The following GMIP variants were observed in gnomAD, a reference collection of about 807,000 sequenced individuals.
GMIP encodes the protein GEM interacting protein, also known as GEM-interacting protein.
In GMIP, 54 loss-of-function variants were observed where a neutral mutation model predicts 105.3. The ratio of observed to expected loss-of-function variants is 0.51; its 90% CI spans 0.41 to 0.64. GMIP has a LOEUF of 0.64. Among genes scored for constraint, GMIP ranks in the 30% least tolerant of loss-of-function variants. The pLI, the probability that GMIP is intolerant of heterozygous loss-of-function variation, is 0.00. For missense variants in GMIP, 1,110 were observed against 1,319.4 expected, an observed-to-expected ratio of 0.84 and a Z score of 2.46; for synonymous variants, 541 against 560.8, an observed-to-expected ratio of 0.96 and a Z score of 0.50.
chr19:19,630,841 C>T lies in GMIP; in HGVS notation c.2473-304G>A, dbSNP rs75143984. 2.5e-4 allele frequency among the ~76,000 whole-genome samples: 38 copies of T among 152,260 alleles called. No homozygotes were observed. Among genetic ancestry groups the T allele is most frequent in the Non-Finnish European group, 4.4e-4 (30 of 68,024 alleles). Reference sequence around the variant, plus strand: ...CTCCTCCTATGCACAGGGCATGGACCACCACTGACTGTGCACCTGTCATCC... The same window carrying T: ...CTCCTCCTATGCACAGGGCATGGACTACCACTGACTGTGCACCTGTCATCC... On this transcript the variant is annotated intron_variant, in intron 19 of 20. Transcript: ENST00000203556. This position sits in a 1 kb window ranked among gnomAD's most constrained non-coding sequence, Gnocchi z 4.8.
chr19:19,635,616 ATC>A lies in GMIP; in HGVS notation c.1405+26_1405+27del. ...AGTGCCTGGTGCCCTGCCCTGTCCC[ATC>A]CTGACCTACCCTGCTTCAGCCTCAC... is the stretch of plus-strand genomic sequence containing the variant. On this transcript the variant is annotated intron_variant, in intron 14 of 20. Transcript: ENST00000203556. This position sits in a 1 kb window ranked among gnomAD's most constrained non-coding sequence, Gnocchi z 4.7. 4 of 1,613,868 alleles carry A rather than the reference ATC, an allele frequency of 2.5e-6. No homozygotes were observed. Among genetic ancestry groups the A allele is most frequent in the Non-Finnish European group, 3.4e-6 (4 of 1,179,790 alleles).
intron 4 of GMIP, among the ~76,000 whole-genome samples, chr19:19,641,062 C>T (rs980687306): frequency 3.3e-5 from 5 of 151,984 alleles, no homozygotes; most frequent in African/African-American, 7.3e-5. Context: ...CCACCGTGCC[C>T]GGCCTGTGTT....
rs1209566828 is a variant in GMIP at position 19,635,049 on chromosome 19, T to C, written c.1725A>G (p.Ile575Met). Residue 575 changes from isoleucine (I) to methionine (M), a missense_variant, in exon 16 of 21, where the codon ATA (isoleucine) becomes ATG (methionine). By Grantham distance (10) the Ile-to-Met change is conservative (BLOSUM62 1). Coordinates refer to ENST00000203556, the MANE Select transcript of GMIP (RefSeq NM_016573.4). The surrounding 1 kb of genome is among the most constrained non-coding windows in gnomAD (Gnocchi z 4.7). ...PFVVTKCTAE[I>M]EHRALDVQGI... ...CCTGCACATCCAGGGCACGGTGTTC[T>C]ATCTCAGCCGTGCACTTCGTGACCA... 2 of 1,613,874 alleles carry C rather than the reference T, an allele frequency of 1.2e-6. No homozygotes were observed. The highest frequency in any genetic ancestry group is 2.7e-5 in the African/African-American group (2 of 74,906).
At chr19:19,642,219 A>G (rs566342773) in intron 2 of GMIP, among the ~76,000 whole-genome samples, 168 bp from the exon 3 acceptor site, 205 of 152,118 alleles carry the variant, frequency 1.3e-3, no homozygotes, top group Middle Eastern at 3.4e-3. Context: ...TTTTTTTTAA[A>G]TAGGACTTGA....
In GMIP at chr19:19,629,873, G is replaced by A; in HGVS notation, c.*90C>T. On this transcript the variant is annotated 3_prime_UTR_variant, in exon 21 of 21. Coordinates refer to ENST00000203556, the MANE Select transcript of GMIP (RefSeq NM_016573.4). ...CTCTCCCAGCATTGAACTCCTGGCG[G>A]GGTGTTTGGCCACTAGGTGGTGGGA... 1 of 1,282,992 alleles carries A rather than the reference G, an allele frequency of 7.8e-7. No homozygotes were observed. Among genetic ancestry groups the A allele is most frequent in the Non-Finnish European group, 1.1e-6 (1 of 935,072 alleles). The allele number at this position is 1,282,992 out of a possible 1,614,324, so 79.5% of individuals were successfully genotyped here.
At chr19:19,641,575 A>G (rs2061919537) in intron 4 of GMIP, among the ~76,000 whole-genome samples, 1 of 152,134 alleles carries the variant, frequency 6.6e-6, no homozygotes, top group African/African-American at 2.4e-5. Context: ...TTTGGTAGGG[A>G]TGGTGTCTTA....
At chr19:19,631,856 C>T (rs1322787098) in intron 19 of GMIP, among the ~76,000 whole-genome samples, 4 of 151,540 alleles carry the variant, frequency 2.6e-5, no homozygotes, top group Admixed American at 1.3e-4. Flanking sequence ...GGTGTGGTGG[C>T]GGGTGCCTGT....
In GMIP at chr19:19,636,972, C is replaced by A. The variant is rs895611548; in HGVS notation, c.1182G>T (p.Glu394Asp). Residue 394 changes from glutamate (E) to aspartate (D), a missense_variant, in exon 12 of 21, where the codon GAG (glutamate) becomes GAT (aspartate). By Grantham distance (45) the Glu-to-Asp change is conservative. This residue lies in a region of GMIP where 667 missense variants were observed against 773.2 expected (regional missense o/e 0.86). Coordinates refer to ENST00000203556, the MANE Select transcript of GMIP (RefSeq NM_016573.4). ...LSGPLPPRLDENSAEPGPWED... is the reference protein window; with the variant it reads ...LSGPLPPRLDDNSAEPGPWED... Reference sequence around the variant, plus strand: ...CCCAAGGGCCTGGCTCAGCTGAATTCTCATCCAGCCTTGGAGGAAGAGGCC... The same window carrying A: ...CCCAAGGGCCTGGCTCAGCTGAATTATCATCCAGCCTTGGAGGAAGAGGCC... 4 of 1,585,356 alleles carry A rather than the reference C, an allele frequency of 2.5e-6. No homozygotes were observed. The highest frequency in any genetic ancestry group is 1.3e-5 in the African/African-American group (1 of 74,364).
At chr19:19,633,263 G>A (rs2061814703) in intron 19 of GMIP, among the ~76,000 whole-genome samples, 1 of 152,008 alleles carries the variant, frequency 6.6e-6, no homozygotes, top group African/African-American at 2.4e-5. Context: ...TCTCCTTATT[G>A]GTTGGATTAG....
Position 19,641,978 on chromosome 19 carries a change from C to G in GMIP, c.178G>C (p.Val60Leu). ...CTGTTCCCCTACTCCCCACTCACAA[C>G]AGTGGCTGTAGGGGTCTTGTCAGGT... is the stretch of plus-strand genomic sequence containing the variant. ...PEPDKTPTAT[V>L]TNEASCWSGP... The change falls in exon 3 of 21, where the codon GTT (valine) becomes CTT (leucine). Residue 60 changes from valine (V) to leucine (L), a missense_variant and splice_region_variant. By Grantham distance (32) the Val-to-Leu change is conservative (BLOSUM62 1). This residue lies in a region of GMIP where 667 missense variants were observed against 773.2 expected (regional missense o/e 0.86). Coordinates refer to ENST00000203556, the MANE Select transcript of GMIP (RefSeq NM_016573.4). 3.1e-6 allele frequency: 5 copies of G among 1,611,770 alleles called. No homozygotes were observed. The highest frequency in any genetic ancestry group is 4.2e-6 in the Non-Finnish European group (5 of 1,177,846).
In GMIP at chr19:19,638,282, T is replaced by A; in HGVS notation, c.666A>T (p.Gln222His). The change falls in exon 9 of 21, where the codon CAA (glutamine) becomes CAT (histidine). Residue 222 changes from glutamine (Q) to histidine (H), a missense_variant. Physicochemically the swap from Gln to His is conservative, Grantham distance 24. This residue lies in a region of GMIP where 667 missense variants were observed against 773.2 expected (regional missense o/e 0.86). Transcript: ENST00000203556. ...AGCGTGCCCGCAGGTCCTCGCTGCGTTGCACATACTGCAGCTGGGCGCGCC... is the reference window on the plus strand; with the variant it reads ...AGCGTGCCCGCAGGTCCTCGCTGCGATGCACATACTGCAGCTGGGCGCGCC... ...ALRRAQLQYV[Q>H]RSEDLRARSQ... is the part of the protein sequence containing the mutation. 1 of 1,610,902 alleles carries A rather than the reference T, an allele frequency of 6.2e-7. No individual in the cohort carries two copies. Among genetic ancestry groups the A allele is most frequent in the South Asian group, 1.1e-5 (1 of 91,046 alleles).
chr19:19,635,829 G>C lies in GMIP; in HGVS notation c.1328-108C>G. 1 of 893,936 alleles carries C rather than the reference G, an allele frequency of 1.1e-6. No individual in the cohort carries two copies. The highest frequency in any genetic ancestry group is 1.8e-6 in the Non-Finnish European group (1 of 542,416). The allele number at this position is 893,936 out of a possible 1,614,324, so 55.4% of individuals were successfully genotyped here. A position where few individuals can be genotyped will look rare whatever the true frequency, so the allele number is the denominator to read the frequency against. On this transcript the variant is annotated intron_variant, in intron 13 of 20. Transcript: ENST00000203556. The surrounding 1 kb of genome is among the most constrained non-coding windows in gnomAD (Gnocchi z 4.7). ...TCCCAAGGGGTCAGAGGTCAGGAGGGGGATTGGACAGGTCAGTGGTTAAGG... is the reference window on the plus strand; with the variant it reads ...TCCCAAGGGGTCAGAGGTCAGGAGGCGGATTGGACAGGTCAGTGGTTAAGG...
intron 2 of GMIP, 60 bp from the exon 3 acceptor site, chr19:19,642,111 G>T: frequency 8.8e-7 from 1 of 1,136,940 alleles, no homozygotes; most frequent in Non-Finnish European, 1.3e-6. Context: ...GCCAAGGGGT[G>T]CTGGGGACCT....
chr19:19,634,178 T>TGCCCAGGTTGTTGGCAGACA lies in GMIP; in HGVS notation c.2096_2097insTGTCTGCCAACAACCTGGGC (p.Phe700ValfsTer108), dbSNP rs1342480871. ...TGGCAGACATCTTGTTTTCCATAAA[T>TGCCCAGGTTGTTGGCAGACA]CGTGCAGCCACCCTGGGGATGGTGT... On this transcript the variant is annotated frameshift_variant, in exon 19 of 21. Coordinates refer to ENST00000203556, the MANE Select transcript of GMIP (RefSeq NM_016573.4). LOFTEE classifies it high-confidence loss of function. The surrounding 1 kb of genome is among the most constrained non-coding windows in gnomAD (Gnocchi z 6.1). The TGCCCAGGTTGTTGGCAGACA allele has an allele frequency of 6.3e-7, 1 of 1,598,542 alleles. No individual in the cohort carries two copies. Among genetic ancestry groups the TGCCCAGGTTGTTGGCAGACA allele is most frequent in the East Asian group, 2.2e-5 (1 of 44,516 alleles).
chr19:19,643,637 T>C lies in GMIP; in HGVS notation c.-108A>G. The C allele has an allele frequency of 9.1e-6, 9 of 985,104 alleles. No homozygotes were observed. The South Asian group carries it at 1.5e-4, about 16-fold the overall frequency. 61.0% of individuals were successfully genotyped at this position (985,104 alleles called of 1,614,324 possible). On this transcript the variant is annotated 5_prime_UTR_variant, in exon 1 of 21. Transcript: ENST00000203556. Reference sequence around the variant, plus strand: ...GCCGCAGCCGCCGCCGCCGCCTCGGTTCCGCGTCGCCCTGCCCAGCGGAGG... The same window carrying C: ...GCCGCAGCCGCCGCCGCCGCCTCGGCTCCGCGTCGCCCTGCCCAGCGGAGG...
intron 7 of GMIP, 108 bp from the exon 8 acceptor site, chr19:19,638,590 T>A: frequency 1.1e-6 from 1 of 873,894 alleles, no homozygotes; most frequent in Non-Finnish European, 1.7e-6. Flanking sequence ...CTCTGGACTC[T>A]ATTTTTTTTT....
rs780158280 is a variant in GMIP, at chr19:19,634,007, G to T, written c.2268C>A (p.Ile756=). The part of the protein sequence containing the change: ...VEFLIVHYEQ[I]FGMDELPQAT... ...CCTGGGGGAGCTCATCCATCCCAAA[G>T]ATCTGCTCGTAGTGCACGATGAGGA... Residue 756 remains isoleucine (I), a synonymous_variant, in exon 19 of 21, where the codon ATC becomes ATA. Coordinates refer to ENST00000203556, the MANE Select transcript of GMIP (RefSeq NM_016573.4). The surrounding 1 kb of genome is among the most constrained non-coding windows in gnomAD (Gnocchi z 6.1). 8 of 1,611,038 alleles carry T rather than the reference G, an allele frequency of 5.0e-6. No individual in the cohort carries two copies. The East Asian group carries it at 1.8e-4, about 36-fold the overall frequency.
intron 5 of GMIP, 34 bp downstream of exon 5, chr19:19,640,412 C>T: frequency 6.2e-7 from 1 of 1,614,082 alleles, no homozygotes; most frequent in Non-Finnish European, 8.5e-7. Context: ...TGGGGACTGC[C>T]TGGTAACTGG....
rs201110584 is a variant in GMIP at position 19,640,201 on chromosome 19, G to C, written c.430-9C>G. On this transcript the variant is annotated splice_polypyrimidine_tract_variant and intron_variant, in intron 6 of 20. Transcript: ENST00000203556. Reference sequence around the variant, plus strand: ...TGCAGAGGCATGTGGCTCTGGGGAAGACAGAGTGGTGTAGGAGGATACTGA... The same window carrying C: ...TGCAGAGGCATGTGGCTCTGGGGAACACAGAGTGGTGTAGGAGGATACTGA... 1.3e-4 allele frequency: 205 copies of C among 1,601,610 alleles called. No homozygotes were observed. The highest frequency in any genetic ancestry group is 1.7e-4 in the Non-Finnish European group (194 of 1,168,938).
Sources: allele counts gnomAD v4.1 joint callset (sites outside exome capture counted in the v4.1 genomes callset), GRCh38; gene constraint gnomAD v4.1.1; regional missense constraint gnomAD v4.1.1; non-coding constraint Gnocchi (gnomAD v3.1); transcripts MANE v1.5; gene names NCBI Gene and HGNC (gene_info 2026-07-23, HGNC 2026-07-21).